WDR25: variants seen among roughly 807,000 people sequenced by gnomAD.
The protein encoded by WDR25 is WD repeat domain 25, also known as WD repeat-containing protein 25.
In WDR25, 35 loss-of-function variants were observed where a neutral mutation model predicts 47.7. The ratio of observed to expected loss-of-function variants is 0.73; its 90% confidence interval spans 0.56 to 0.97. WDR25 has a LOEUF of 0.97. WDR25 is among the 50% of genes least tolerant of loss of function. WDR25 has a pLI of 0.00. For missense variants in WDR25, 634 were observed against 704.7 expected, an observed-to-expected ratio of 0.90 and a Z score of 1.14; for synonymous variants, 248 against 278.9, an observed-to-expected ratio of 0.89 and a Z score of 1.10.
intron 2 of WDR25, among the ~76,000 whole-genome samples, chr14:100,450,125 T>A (rs8013601): frequency 0.013 from 2,020 of 152,314 alleles, 35 homozygotes; most frequent in African/African-American, 0.043. Context: ...CTCCAATGCT[T>A]AAAAAACCAT....
Position 100,525,827 on chromosome 14 carries a change from G to A in WDR25, c.1102-43G>A, listed in dbSNP as rs201313164. ...GCCTTCCCTGCATAGGCGCCTGTCC[G>A]TGCTGCCAGGCCTGCCAGCATGACC... On this transcript the variant is annotated intron_variant, in intron 4 of 6. Coordinates refer to ENST00000402312, the MANE Select transcript of WDR25 (RefSeq NM_001161476.3). This position sits in a 1 kb window ranked among gnomAD's most constrained non-coding sequence, Gnocchi z 4.6. 156 of 1,603,974 alleles carry A rather than the reference G, an allele frequency of 9.7e-5. 2 individuals carry two copies. In the East Asian group the frequency reaches 1.1e-3, roughly 11 times the overall value.
intron 2 of WDR25, among the ~76,000 whole-genome samples, chr14:100,448,029 G>C (rs113909375): frequency 8.6e-5 from 13 of 152,002 alleles, no homozygotes; most frequent in Non-Finnish European, 1.8e-4. Context: ...CCTTGTCTCT[G>C]CTGAAAATAC....
chr14:100,384,004 G>A (rs1391237642), intron 2 of WDR25, among the ~76,000 whole-genome samples: 1 of 152,216 alleles, frequency 6.6e-6, no homozygotes, highest in Non-Finnish European at 1.5e-5. Context: ...GCCAGGCGCC[G>A]CAGCTGTGCC....
At chr14:100,412,030 AC>A (rs1897722641) in intron 2 of WDR25, among the ~76,000 whole-genome samples, 3 of 151,108 alleles carry the variant, frequency 2.0e-5, no homozygotes, top group East Asian at 3.9e-4. Context: ...CATGGGTGAA[AC>A]CCCATCTCTA....
intron 4 of WDR25, among the ~76,000 whole-genome samples, chr14:100,503,523 A>G (rs1258000378): frequency 6.6e-6 from 1 of 152,206 alleles, no homozygotes; most frequent in Non-Finnish European, 1.5e-5. Flanking sequence ...GCTGGATCTC[A>G]GCTGCAGATG....
intron 2 of WDR25, among the ~76,000 whole-genome samples, chr14:100,414,683 TG>T (rs1419539205): frequency 6.6e-6 from 1 of 152,152 alleles, no homozygotes; most frequent in Non-Finnish European, 1.5e-5. Context: ...GGTACATATT[TG>T]GGAGTGGAAC....
At chr14:100,400,248 C>G (rs189009201) in intron 2 of WDR25, among the ~76,000 whole-genome samples, 2 of 152,208 alleles carry the variant, frequency 1.3e-5, no homozygotes, top group African/African-American at 4.8e-5. Flanking sequence ...TCATGGTGAT[C>G]CAGTGAGTGC....
intron 4 of WDR25, chr14:100,503,871 G>A (rs370343360): frequency 1.3e-5 from 2 of 152,294 alleles, no homozygotes; most frequent in Non-Finnish European, 2.9e-5. Flanking sequence ...TTCAGGCCCA[G>A]CTGATAAGAA....
In WDR25 at chr14:100,429,530, C is replaced by T. The variant is rs147235285; in HGVS notation, c.823-38491C>T. Reference sequence around the variant, plus strand: ...GAAGGCCTAGGCAGTCCTATACATACAGCTTCTGAGAACGTCAGAAAATCA... The same window carrying T: ...GAAGGCCTAGGCAGTCCTATACATATAGCTTCTGAGAACGTCAGAAAATCA... On this transcript the variant is annotated intron_variant, in intron 2 of 6. Transcript: ENST00000402312. Among the ~76,000 whole-genome samples, 356 of 152,274 alleles carry T rather than the reference C, an allele frequency of 2.3e-3. 1 individual carries two copies. Among genetic ancestry groups the T allele is most frequent in the African/African-American group, 8.3e-3 (344 of 41,540 alleles).
At chr14:100,389,249 G>C (rs1214712122) in intron 2 of WDR25, among the ~76,000 whole-genome samples, 1 of 152,166 alleles carries the variant, frequency 6.6e-6, no homozygotes, top group East Asian at 1.9e-4. Context: ...TTTGCAAGCA[G>C]CGTTTCCTTC....
intron 4 of WDR25, among the ~76,000 whole-genome samples, chr14:100,484,725 G>T (rs933045823): frequency 6.6e-6 from 1 of 152,014 alleles, no homozygotes; most frequent in Non-Finnish European, 1.5e-5. Flanking sequence ...CCCTGTCTCT[G>T]CTCTTTGCAT....
intron 2 of WDR25, chr14:100,454,652 G>T: frequency 2.6e-6 from 1 of 389,498 alleles, no homozygotes; most frequent in Non-Finnish European, 5.0e-6. Context: ...TTGTCTGTTT[G>T]TTTTGCCTAA....
At chr14:100,456,949 T>G (rs1899224807) in intron 2 of WDR25, among the ~76,000 whole-genome samples, 1 of 152,100 alleles carries the variant, frequency 6.6e-6, no homozygotes, top group Non-Finnish European at 1.5e-5. Flanking sequence ...ATAATGAAGT[T>G]TCTTTTCTTT....
intron 4 of WDR25, among the ~76,000 whole-genome samples, chr14:100,489,766 T>C (rs934946932): frequency 1.1e-4 from 17 of 152,268 alleles, no homozygotes; most frequent in African/African-American, 3.6e-4. Context: ...GCTCCTACTC[T>C]GCGCCTGAGA....
chr14:100,460,056 G>A (rs976123308), intron 2 of WDR25, among the ~76,000 whole-genome samples: 3 of 149,638 alleles, frequency 2.0e-5, no homozygotes, highest in African/African-American at 7.4e-5. Flanking sequence ...CCAAGAAAAG[G>A]ACATCATAAG....
In WDR25 at chr14:100,392,060, A is replaced by G. The variant is rs1897157915; in HGVS notation, c.822+10314A>G. Reference sequence around the variant, plus strand: ...GGTCTTGGAAAATAGAGTTATTTTTATAAGAATGTGCTATTTCTGTTAACA... The same window carrying G: ...GGTCTTGGAAAATAGAGTTATTTTTGTAAGAATGTGCTATTTCTGTTAACA... On this transcript the variant is annotated intron_variant, in intron 2 of 6. Coordinates refer to ENST00000402312, the MANE Select transcript of WDR25 (RefSeq NM_001161476.3). The surrounding 1 kb of genome is among the most constrained non-coding windows in gnomAD (Gnocchi z 4.2). Among the ~76,000 whole-genome samples, 1 of 152,218 alleles carries G rather than the reference A, an allele frequency of 6.6e-6. No individual in the cohort carries two copies. Among genetic ancestry groups the G allele is most frequent in the African/African-American group, 2.4e-5 (1 of 41,456 alleles).
intron 2 of WDR25, chr14:100,382,199 A>C (rs1896920201): frequency 1.4e-6 from 1 of 702,816 alleles, no homozygotes; most frequent in African/African-American, 1.7e-5. Flanking sequence ...GTGAGGCGGG[A>C]GCCGTGGACA....
chr14:100,466,971 T>C (rs1269200829), intron 2 of WDR25, among the ~76,000 whole-genome samples: 1 of 152,234 alleles, frequency 6.6e-6, no homozygotes. Context: ...TCAGGGGCTC[T>C]CACGTGGTGT....
chr14:100,518,894 T>TAA (rs562570627), intron 4 of WDR25, among the ~76,000 whole-genome samples: 2 of 135,326 alleles, frequency 1.5e-5, no homozygotes, highest in Non-Finnish European at 1.6e-5. Flanking sequence ...ACTTCATCTC[T>TAA]AAAAAAAAAA....
Sources: gnomAD v4.1 joint callset for allele counts (sites outside exome capture counted in the v4.1 genomes callset) on GRCh38, gnomAD v4.1.1 for gene constraint, Gnocchi (gnomAD v3.1) non-coding constraint, MANE v1.5 for transcripts, NCBI Gene and HGNC (gene_info 2026-07-23, HGNC 2026-07-21) for gene names.